The following ANAPC1 variants were observed in gnomAD, a reference collection of about 807,000 sequenced individuals.
The protein encoded by ANAPC1 is anaphase promoting complex subunit 1.
ANAPC1 carries 36 observed loss-of-function variants against 208.0 expected under a neutral mutation model. The ratio of observed to expected loss-of-function variants is 0.17; its 90% CI spans 0.13 to 0.23. The LOEUF is 0.23. Among genes scored for constraint, ANAPC1 ranks in the 10% least tolerant of loss-of-function variants. The pLI is 1.00. For synonymous variants in ANAPC1, 378 were observed against 695.2 expected, an observed-to-expected ratio of 0.54 and a Z score of 7.18; for missense variants, 942 against 2,011.6, an observed-to-expected ratio of 0.47 and a Z score of 10.17.
chr2:111,848,573 TCAAGAC>T (rs1681218824), intron 14 of ANAPC1, among the ~76,000 whole-genome samples: 2 of 151,940 alleles, frequency 1.3e-5, no homozygotes, highest in Non-Finnish European at 2.9e-5. Context: ...GGTCAAGAGT[TCAAGAC>T]CAGCCTGGCC....
At chr2:111,829,106 C>T (rs1265052397) in intron 21 of ANAPC1, among the ~76,000 whole-genome samples, 4 of 152,072 alleles carry the variant, frequency 2.6e-5, no homozygotes, top group African/African-American at 4.8e-5. Flanking sequence ...CCCAGCTACT[C>T]GGGAGGCTGA....
chr2:111,875,577 G>A (rs940076254), intron 3 of ANAPC1, among the ~76,000 whole-genome samples: 6 of 152,086 alleles, frequency 3.9e-5, no homozygotes, highest in Admixed American at 2.0e-4. Context: ...CCTGACAACA[G>A]TCTCCCTCCT....
At position 111,866,701 on chromosome 2, in the gene ANAPC1, G is replaced by A. The variant is rs1427401098; in HGVS notation, c.685+1322C>T. Among the ~76,000 whole-genome samples the A allele has an allele frequency of 6.2e-5, 9 of 146,100 alleles. No individual in the cohort carries two copies. In the East Asian group the frequency reaches 1.8e-3, roughly 30 times the overall value. ...ATCGTGCCATTGCACTGCAGCCTGG[G>A]TAACAAAGCGAGACTCCGTCTCAAA... On this transcript the variant is annotated intron_variant, in intron 7 of 47. Transcript: ENST00000341068.
intron 13 of ANAPC1, among the ~76,000 whole-genome samples, chr2:111,854,265 A>G (rs1681576096): frequency 6.6e-6 from 1 of 152,182 alleles, no homozygotes; most frequent in African/African-American, 2.4e-5. Flanking sequence ...TCTGAGCAAT[A>G]CGTCTCAACA....
At chr2:111,879,851 A>G (rs1683205719) in intron 2 of ANAPC1, among the ~76,000 whole-genome samples, 1 of 152,004 alleles carries the variant, frequency 6.6e-6, no homozygotes, top group Non-Finnish European at 1.5e-5. Context: ...CAGCCTGGGC[A>G]ACAAAAGTGA....
chr2:111,822,952 A>C (rs1319923329), intron 24 of ANAPC1, among the ~76,000 whole-genome samples: 1 of 151,656 alleles, frequency 6.6e-6, no homozygotes, highest in African/African-American at 2.4e-5. Flanking sequence ...AAAGCCAATC[A>C]ATACTAAATG....
rs553356274 is a variant in ANAPC1, at chr2:111,767,971, C to T, written c.*1320G>A. The T allele has an allele frequency of 1.3e-4, 20 of 152,110 alleles. No homozygotes were observed. The highest frequency in any genetic ancestry group is 5.8e-4 in the East Asian group (3 of 5,158). 9.4% of individuals were successfully genotyped at this position (152,110 alleles called of 1,614,324 possible). A position where few individuals can be genotyped will look rare whatever the true frequency, so the allele number is the denominator to read the frequency against. On this transcript the variant is annotated 3_prime_UTR_variant, in exon 48 of 48. Transcript: ENST00000341068. ...ATGCCTTCCAAGTCTACTCTGCAGA[C>T]GCAAATGTCATGTGGGTTTTTGCCA...
Position 111,873,641 on chromosome 2 carries a change from T to C in ANAPC1, c.399A>G (p.Ile133Met), listed in dbSNP as rs1682877181. Residue 133 changes from isoleucine to methionine, a missense_variant, in exon 4 of 48, where the codon ATA (isoleucine) becomes ATG (methionine). By Grantham distance (10) the Ile-to-Met change is conservative (BLOSUM62 1). Coordinates refer to ENST00000341068, the MANE Select transcript of ANAPC1 (RefSeq NM_022662.4). ...AGGCCTTTTCAGACTTATCCTGTGA[T>C]ATAATGAAGTCACACCACAATGCCT... is the stretch of plus-strand genomic sequence containing the variant. ...VQQALWCDFI[I>M]SQDKSEKAYS... The C allele has an allele frequency of 5.7e-6, 9 of 1,586,762 alleles. No individual in the cohort carries two copies. The highest frequency in any genetic ancestry group is 7.7e-6 in the Non-Finnish European group (9 of 1,173,102).
intron 20 of ANAPC1, among the ~76,000 whole-genome samples, chr2:111,832,378 A>C (rs912035992): frequency 6.6e-6 from 1 of 151,966 alleles, no homozygotes; most frequent in African/African-American, 2.4e-5. Flanking sequence ...AAAACAAAAG[A>C]AACATCCAGG....
chr2:111,860,009 T>C (rs1414516663), intron 10 of ANAPC1, among the ~76,000 whole-genome samples: 2 of 152,050 alleles, frequency 1.3e-5, no homozygotes, highest in Non-Finnish European at 2.9e-5. Context: ...GGTTAGAAAA[T>C]ACTGGGGGCC....
chr2:111,862,319 C>T (rs1682113610), intron 10 of ANAPC1, 70 bp downstream of exon 10: 1 of 1,354,346 alleles, frequency 7.4e-7, no homozygotes, highest in African/African-American at 1.5e-5. Flanking sequence ...AAACTTTAAA[C>T]AAAATGCCAT....
chr2:111,880,431 A>G (rs1683242587), intron 2 of ANAPC1, 182 bp downstream of exon 2: 1 of 1,052,632 alleles, frequency 9.5e-7, no homozygotes, highest in Non-Finnish European at 1.3e-6. Flanking sequence ...AGGGTATCTA[A>G]ATAAGTCGCT....
intron 35 of ANAPC1, among the ~76,000 whole-genome samples, chr2:111,794,571 T>C (rs1356539438): frequency 6.6e-6 from 1 of 152,172 alleles, no homozygotes; most frequent in African/African-American, 2.4e-5. Flanking sequence ...TTGTTGCCAA[T>C]TTCTTTAATG....
Position 111,867,179 on chromosome 2 carries a change from A to G in ANAPC1, c.685+844T>C, listed in dbSNP as rs1682472793. On this transcript the variant is annotated intron_variant, in intron 7 of 47. Coordinates refer to ENST00000341068, the MANE Select transcript of ANAPC1 (RefSeq NM_022662.4). ...GTGGCACATGCCTGTAATCCCAGCTACTTGGGAGGCTGAAGCAAGATAATC... is the reference window on the plus strand; with the variant it reads ...GTGGCACATGCCTGTAATCCCAGCTGCTTGGGAGGCTGAAGCAAGATAATC... Among the ~76,000 whole-genome samples the G allele has an allele frequency of 4.6e-5, 7 of 152,208 alleles. No individual in the cohort carries two copies. In the South Asian group the frequency reaches 1.5e-3, roughly 32 times the overall value.
chr2:111,841,689 G>T (rs1680773278), intron 17 of ANAPC1, among the ~76,000 whole-genome samples: 1 of 152,176 alleles, frequency 6.6e-6, no homozygotes, highest in African/African-American at 2.4e-5. Context: ...GACATGGGAA[G>T]TCACTGGGGG....
At chr2:111,858,240 GAAAAGA>G (rs1446013204) in intron 11 of ANAPC1, 60 bp downstream of exon 11, 3 of 1,239,088 alleles carry the variant, frequency 2.4e-6, no homozygotes, top group East Asian at 5.3e-5. Context: ...AAAAAGGAAA[GAAAAGA>G]AAAAGAAAAA....
intron 33 of ANAPC1, among the ~76,000 whole-genome samples, chr2:111,801,388 T>C (rs1678438199): frequency 7.1e-6 from 1 of 140,702 alleles, no homozygotes; most frequent in South Asian, 2.4e-4. Context: ...AGAAAATACA[T>C]TTAATACACC....
rs757921276 is a variant in ANAPC1 at position 111,858,388 on chromosome 2, G to C, written c.1276C>G (p.Gln426Glu). The C allele has an allele frequency of 6.2e-7, 1 of 1,612,762 alleles. No individual in the cohort carries two copies. Among genetic ancestry groups the C allele is most frequent in the Admixed American group, 1.7e-5 (1 of 59,950 alleles). Residue 426 changes from glutamine (Q) to glutamate (E), a missense_variant, in exon 11 of 48, where the codon CAA (glutamine) becomes GAA (glutamate). By Grantham distance (29) the Gln-to-Glu change is conservative. Transcript: ENST00000341068. ...TITNIREKNS[Q>E]ASKVFITSDL... ...GATGTAATAAACACTTTTGAGGCTTGTGAATTTTTCTCTCTATAATAGATA... is the reference window on the plus strand; with the variant it reads ...GATGTAATAAACACTTTTGAGGCTTCTGAATTTTTCTCTCTATAATAGATA...
chr2:111,768,156 A>T lies in ANAPC1; in HGVS notation c.*1135T>A, dbSNP rs1676532610. On this transcript the variant is annotated 3_prime_UTR_variant, in exon 48 of 48. Coordinates refer to ENST00000341068, the MANE Select transcript of ANAPC1 (RefSeq NM_022662.4). ...CAGGAAGCACAGGACACATATCAGC[A>T]TCTGAACAGCAGGGAGCATTCTTCC... 1 of 152,272 alleles carries T rather than the reference A, an allele frequency of 6.6e-6. No homozygotes were observed. The highest frequency in any genetic ancestry group is 2.4e-5 in the African/African-American group (1 of 41,470). The allele number at this position is 152,272 out of a possible 1,614,324, so 9.4% of individuals were successfully genotyped here.
Sources: gnomAD v4.1 joint callset for allele counts (sites outside exome capture counted in the v4.1 genomes callset) on GRCh38, gnomAD v4.1.1 for gene constraint, MANE v1.5 for transcripts, NCBI Gene and HGNC (gene_info 2026-07-23, HGNC 2026-07-21) for gene names.